Variants in DNASE1L1 observed in about 807,000 individuals in gnomAD.
DNASE1L1 encodes deoxyribonuclease 1 like 1.
Under a neutral mutation model 18.6 loss-of-function variants are expected in DNASE1L1, and 8 were observed. The observed-to-expected ratio is 0.43, with a 90% confidence interval of 0.25 to 0.78. The LOEUF is 0.78. Ranked by LOEUF, DNASE1L1 falls within the 30% of genes least tolerant of loss-of-function variation. The pLI, the probability that DNASE1L1 is intolerant of heterozygous loss-of-function variation, is 0.23. For missense variants in DNASE1L1, 214 were observed against 258.2 expected (o/e 0.83, Z 1.17); for synonymous variants, 114 against 114.2 (o/e 1.00, Z 0.01).
intron 4 of DNASE1L1, among the ~76,000 whole-genome samples, chrX:154,404,489 T>C (rs1333601761): frequency 2.7e-5 from 3 of 112,228 alleles, no homozygotes; most frequent in African/African-American, 9.7e-5. Flanking sequence ...GGCCCATAAG[T>C]GGTCCCCACG....
Position 154,406,203 on chromosome X carries a change from C to A in DNASE1L1, c.-87-548G>T, listed in dbSNP as rs931819673. Among the ~76,000 whole-genome samples, 7 of 109,931 alleles carry A rather than the reference C, an allele frequency of 6.4e-5. No homozygotes were observed. In the Admixed American group the frequency reaches 6.8e-4, roughly 11 times the overall value. On this transcript the variant is annotated intron_variant, in intron 1 of 7. Transcript: ENST00000369807. ...GCCAGAATGGTCTTGATCTCCTGAC[C>A]TCGTGATCTGCCCGCCTCGGCCTCC...
rs1569552407 is a variant in DNASE1L1 at position 154,403,580 on chromosome X, A to T, written c.354T>A (p.Asp118Glu). ...GCTCCCGGGCAAAGACGTCATCCTC[A>T]TCGTTGTACACGTAGGAACTCAGGA... ...TQVLSSYVYN[D>E]EDDVFAREPF... is the part of the protein sequence containing the mutation. The change falls in exon 5 of 8, where the codon GAT becomes GAA. Residue 118 changes from aspartate to glutamate, a missense_variant. Physicochemically the swap from Asp to Glu is conservative, Grantham distance 45 (BLOSUM62 2). Coordinates refer to ENST00000369807, the MANE Select transcript of DNASE1L1 (RefSeq NM_001303620.2). 4.1e-6 allele frequency: 5 copies of T among 1,211,809 alleles called. No individual in the cohort carries two copies. Among genetic ancestry groups the T allele is most frequent in the Non-Finnish European group, 4.5e-6 (4 of 895,433 alleles).
Position 154,402,744 on chromosome X carries a change from A to G in DNASE1L1, c.872T>C (p.Leu291Pro). ...GCACAGCTGAGGGGACAGGAGTGAT[A>G]GCAGCAACAGAACAGTGAGGCTGAG... is the stretch of plus-strand genomic sequence containing the variant. ...QPLSLTVLLL[L>P]SLLSPQLCPA... is the part of the protein sequence containing the mutation. Residue 291 changes from leucine (L) to proline (P), a missense_variant, in exon 8 of 8, where the codon CTA becomes CCA. Physicochemically the swap from Leu to Pro is moderately conservative, Grantham distance 98. Transcript: ENST00000369807. 1 of 1,211,463 alleles carries G rather than the reference A, an allele frequency of 8.3e-7. No homozygotes were observed. Among genetic ancestry groups the G allele is most frequent in the Non-Finnish European group, 1.1e-6 (1 of 895,265 alleles).
chrX:154,406,950 T>C (rs1177295553), intron 1 of DNASE1L1, among the ~76,000 whole-genome samples: 1 of 111,415 alleles, frequency 9.0e-6, no homozygotes, highest in Non-Finnish European at 1.9e-5. Flanking sequence ...GATCATATGG[T>C]AGTTCTAGTT....
upstream of DNASE1L1, chrX:154,409,309 C>T (rs1603374423): frequency 4.2e-6 from 1 of 239,189 alleles, no homozygotes; most frequent in Non-Finnish European, 8.0e-6. Context: ...GCCCCGTCTC[C>T]GCCTCGCCGC....
rs1557187151 is a variant in DNASE1L1, at chrX:154,402,809, C to T, written c.807G>A (p.Glu269=). 12 of 1,211,376 alleles carry T rather than the reference C, an allele frequency of 9.9e-6. No individual in the cohort carries two copies. The highest frequency in any genetic ancestry group is 1.3e-5 in the Non-Finnish European group (12 of 895,270). The change falls in exon 8 of 8, where the codon GAG becomes GAA. Residue 269 remains glutamate (E), a synonymous_variant. Coordinates refer to ENST00000369807, the MANE Select transcript of DNASE1L1 (RefSeq NM_001303620.2). Reference sequence around the variant, plus strand: ...GCGCCTGGCTCAGCTTCAGCTCCACCTCCACGGGGTAGTGGTCACTGATGT... The same window carrying T: ...GCGCCTGGCTCAGCTTCAGCTCCACTTCCACGGGGTAGTGGTCACTGATGT... ...ALNISDHYPV[E]VELKLSQAHS... is the part of the protein sequence containing the mutation.
chrX:154,411,585 C>T (rs976955941), upstream of DNASE1L1: 20 of 417,249 alleles, frequency 4.8e-5, no homozygotes, highest in Non-Finnish European at 7.8e-5. Context: ...CCCGCCTTCC[C>T]GTTTCCTCCC....
rs150810975 is a variant in DNASE1L1 at position 154,403,335 on chromosome X, G to T, written c.459C>A (p.Ala153=). ...AGAGGGCGTTCAGCTCCTTCTCTAC[G>T]GCCTTAGGAGTGGTGTGCAGCGGGA... is the stretch of plus-strand genomic sequence containing the variant. The part of the protein sequence containing the change: ...VLVPLHTTPK[A]VEKELNALYD... Residue 153 remains alanine, a synonymous_variant, in exon 6 of 8, where the codon GCC becomes GCA. Coordinates refer to ENST00000369807, the MANE Select transcript of DNASE1L1 (RefSeq NM_001303620.2). 1.7e-6 allele frequency: 2 copies of T among 1,211,351 alleles called. No individual in the cohort carries two copies. The highest frequency in any genetic ancestry group is 1.8e-5 in the South Asian group (1 of 56,973).
At chrX:154,406,266 G>A (rs1398665707) in intron 1 of DNASE1L1, among the ~76,000 whole-genome samples, 3 of 107,380 alleles carry the variant, frequency 2.8e-5, no homozygotes, top group Admixed American at 2.0e-4. Context: ...CACCGCACCC[G>A]GCTGTAGAAT....
In DNASE1L1 at chrX:154,402,583, C is replaced by T. The variant is rs782445477; in HGVS notation, c.*124G>A. 3 of 689,470 alleles carry T rather than the reference C, an allele frequency of 4.4e-6. No homozygotes were observed. The highest frequency in any genetic ancestry group is 4.2e-6 in the Non-Finnish European group (2 of 476,058). 56.8% of individuals were successfully genotyped at this position (689,470 alleles called of 1,213,427 possible). On this transcript the variant is annotated 3_prime_UTR_variant, in exon 8 of 8. Transcript: ENST00000369807. ...CAAGAGCCAAATCAAACAAGGCAGG[C>T]AGGGGTGGACTACAGTCACAGGGCA...
chrX:154,408,937 C>T, intron 1 of DNASE1L1, 175 bp downstream of exon 1: 1 of 229,961 alleles, frequency 4.3e-6, no homozygotes, highest in South Asian at 4.7e-5. Flanking sequence ...TCAGGGACCC[C>T]CATGAGGGCT....
chrX:154,404,780 G>A, intron 4 of DNASE1L1, 48 bp downstream of exon 4: 1 of 1,151,372 alleles, frequency 8.7e-7, no homozygotes, highest in East Asian at 3.0e-5. Flanking sequence ...CTCACATTAG[G>A]GCCAAGGACC....
intron 1 of DNASE1L1, among the ~76,000 whole-genome samples, chrX:154,405,995 G>A (rs1184099598): frequency 2.9e-5 from 3 of 103,386 alleles, no homozygotes; most frequent in East Asian, 3.1e-4. Context: ...TTTTTGAGAC[G>A]GAGTCTCACT....
intron 5 of DNASE1L1, 56 bp from the exon 6 acceptor site, chrX:154,403,437 C>T (rs781900271): frequency 2.5e-6 from 3 of 1,197,254 alleles, no homozygotes; most frequent in African/African-American, 1.8e-5. Flanking sequence ...CTCCCCCTAG[C>T]CCGTCTGGGT....
upstream of DNASE1L1, among the ~76,000 whole-genome samples, chrX:154,410,428 C>T (rs2068250601): frequency 9.0e-6 from 1 of 110,739 alleles, no homozygotes; most frequent in Non-Finnish European, 1.9e-5. Flanking sequence ...TGGCTTGCGC[C>T]TGTAATCCCA....
upstream of DNASE1L1, chrX:154,409,489 C>T: frequency 8.0e-6 from 1 of 125,515 alleles, no homozygotes; most frequent in Non-Finnish European, 1.6e-5. Context: ...GCTCGCCAGG[C>T]CCGTCGCTCA....
upstream of DNASE1L1, chrX:154,411,503 G>A: frequency 3.9e-6 from 1 of 257,914 alleles, no homozygotes. Context: ...TGCGCGCTTT[G>A]CGACAGTCGG....
chrX:154,405,062 T>A lies in DNASE1L1; in HGVS notation c.157A>T (p.Met53Leu). 1 of 1,210,736 alleles carries A rather than the reference T, an allele frequency of 8.3e-7. No individual in the cohort carries two copies. Among genetic ancestry groups the A allele is most frequent in the Non-Finnish European group, 1.1e-6 (1 of 895,029 alleles). The stretch of plus-strand genomic sequence containing the variant: ...GAGTCCACCACCTCCTGCAGCACCA[T>A]GATGTCACAGCGAGCCAGTATCTGT... ...LVRILARCDI[M>L]VLQEVVDSSG... is the part of the protein sequence containing the mutation. The change falls in exon 3 of 8, where the codon ATG becomes TTG. Residue 53 changes from methionine to leucine, a missense_variant. Physicochemically the swap from Met to Leu is conservative, Grantham distance 15 (BLOSUM62 2). Coordinates refer to ENST00000369807, the MANE Select transcript of DNASE1L1 (RefSeq NM_001303620.2).
chrX:154,410,755 T>C (rs2068261257), upstream of DNASE1L1, among the ~76,000 whole-genome samples: 2 of 108,369 alleles, frequency 1.8e-5, no homozygotes, highest in Admixed American at 2.0e-4. Flanking sequence ...GACCTGCGCC[T>C]GTAGTCCCAG....
Sources: gnomAD v4.1 joint callset for allele counts (sites outside exome capture counted in the v4.1 genomes callset) on GRCh38, gnomAD v4.1.1 for gene constraint, MANE v1.5 for transcripts, NCBI Gene and HGNC (gene_info 2026-07-23, HGNC 2026-07-21) for gene names.